Variants in ASF1B observed in about 807,000 individuals in gnomAD.
ASF1B encodes histone chaperone ASF1B.
ASF1B carries 10 observed loss-of-function variants against 16.6 expected under a neutral mutation model. That is an observed-to-expected ratio of 0.60 (90% CI 0.37 to 1.02). The LOEUF (loss-of-function observed/expected upper bound fraction) is 1.02, where lower values mean the gene tolerates loss of function less well. Among genes scored for constraint, ASF1B ranks in the 50% least tolerant of loss-of-function variants. The pLI is 0.01. For missense variants in ASF1B, 240 were observed against 266.0 expected (o/e 0.90, Z 0.68); for synonymous variants, 101 against 106.2 (o/e 0.95, Z 0.30).
rs1375655951 is a variant in ASF1B, at chr19:14,126,227, C to T, written c.120G>A (p.Trp40Ter). 2 of 1,612,096 alleles carry T rather than the reference C, an allele frequency of 1.2e-6. No homozygotes were observed. The highest frequency in any genetic ancestry group is 1.7e-5 in the Admixed American group (1 of 59,994). Residue 40 changes from tryptophan to a stop codon, truncating the protein, a stop_gained, in exon 2 of 4, where the codon TGG (tryptophan) becomes TGA (stop). Coordinates refer to ENST00000263382, the MANE Select transcript of ASF1B (RefSeq NM_018154.3). LOFTEE classifies it high-confidence loss of function. ...CAGCCGAGCCAACATAAATGATCTT[C>T]CACTCCAGGTCTGCAAAGATATAGG... ...CSEALADDLE[W>*]KIIYVGSAES...
At chr19:14,132,434 A>T (rs762145131) in intron 1 of ASF1B, among the ~76,000 whole-genome samples, 11 of 152,154 alleles carry the variant, frequency 7.2e-5, no homozygotes, top group Non-Finnish European at 1.2e-4. Flanking sequence ...AAGCTGGCAG[A>T]TCAGTCACAG....
chr19:14,121,207 A>G (rs2144507837), intron 3 of ASF1B: 1 of 427,172 alleles, frequency 2.3e-6, no homozygotes, highest in Admixed American at 4.0e-5. Context: ...TGCAGCCTCA[A>G]ACTCCTGGGC....
rs567148492 is a variant in ASF1B at position 14,129,747 on chromosome 19, A to G, written c.110-3510T>C. On this transcript the variant is annotated intron_variant, in intron 1 of 3. Coordinates refer to ENST00000263382, the MANE Select transcript of ASF1B (RefSeq NM_018154.3). ...GAAAGAAAGGAAGAAAAAAAGAGTT[A>G]TAGGTATAGGGCCAGGTGAGGTGGA... Among the ~76,000 whole-genome samples, 3 of 144,528 alleles carry G rather than the reference A, an allele frequency of 2.1e-5. No homozygotes were observed. The South Asian group carries it at 7.0e-4, about 34-fold the overall frequency. The allele number at this position is 144,528 out of a possible 152,430, so 94.8% of individuals were successfully genotyped here. A position where few individuals can be genotyped will look rare whatever the true frequency, so the allele number is the denominator to read the frequency against.
Position 14,126,196 on chromosome 19 carries a change from C to T in ASF1B, c.151G>A (p.Glu51Lys). Residue 51 changes from glutamate (E) to lysine (K), a missense_variant, in exon 2 of 4, where the codon GAG becomes AAG. By Grantham distance (56) the Glu-to-Lys change is moderately conservative (BLOSUM62 1). Coordinates refer to ENST00000263382, the MANE Select transcript of ASF1B (RefSeq NM_018154.3). ...KIIYVGSAES[E>K]EFDQILDSVL... ...GAGTCTAGGATCTGATCAAATTCCT[C>T]ACTCTCAGCCGAGCCAACATAAATG... 1 of 1,613,584 alleles carries T rather than the reference C, an allele frequency of 6.2e-7. No individual in the cohort carries two copies. The highest frequency in any genetic ancestry group is 8.5e-7 in the Non-Finnish European group (1 of 1,179,966).
intron 1 of ASF1B, among the ~76,000 whole-genome samples, chr19:14,132,095 A>G (rs935741759): frequency 6.9e-6 from 1 of 143,952 alleles, no homozygotes; most frequent in Non-Finnish European, 1.5e-5. Context: ...TGGTGCAATC[A>G]TGGCTCACTG....
intron 3 of ASF1B, chr19:14,121,275 ATTTTTTTTTT>A: frequency 6.7e-6 from 2 of 298,406 alleles, no homozygotes; most frequent in Admixed American, 1.3e-4. Context: ...TGTCTGGCTC[ATTTTTTTTTT>A]TTTTTTTTTT....
In ASF1B at chr19:14,136,409, G is replaced by T. The variant is rs371243119; in HGVS notation, c.48C>A (p.Ser16Arg). The T allele has an allele frequency of 6.2e-7, 1 of 1,613,842 alleles. No homozygotes were observed. Among genetic ancestry groups the T allele is most frequent in the Admixed American group, 1.7e-5 (1 of 60,018 alleles). The change falls in exon 1 of 4, where the codon AGC becomes AGA. Residue 16 changes from serine (S) to arginine (R), a missense_variant. Transcript: ENST00000263382. Reference sequence around the variant, plus strand: ...CGAACCGGAAGGGGCTGTGGAAAGGGCTCGGGTTCTCCAGGACCGCCACGT... The same window carrying T: ...CGAACCGGAAGGGGCTGTGGAAAGGTCTCGGGTTCTCCAGGACCGCCACGT... Reference protein sequence around the residue: ...VLNVAVLENPSPFHSPFRFEI... With the variant: ...VLNVAVLENPRPFHSPFRFEI...
At chr19:14,123,771 G>C (rs1452720106) in intron 2 of ASF1B, among the ~76,000 whole-genome samples, 1 of 150,870 alleles carries the variant, frequency 6.6e-6, no homozygotes, top group Non-Finnish European at 1.5e-5. Flanking sequence ...GGAACTCCTG[G>C]GCTCAAGCGA....
At chr19:14,121,256 C>T (rs1242588136) in intron 3 of ASF1B, 2 of 496,188 alleles carry the variant, frequency 4.0e-6, no homozygotes, top group Non-Finnish European at 7.0e-6. Flanking sequence ...GAGTAGAGCA[C>T]ACCACCCATG....
At chr19:14,129,705 A>G (rs1393959386) in intron 1 of ASF1B, among the ~76,000 whole-genome samples, 8 of 146,184 alleles carry the variant, frequency 5.5e-5, no homozygotes, top group African/African-American at 1.8e-4. Flanking sequence ...AAAAAAAAAA[A>G]AAAAAGAAGA....
At chr19:14,136,317 G>C in intron 1 of ASF1B, 31 bp downstream of exon 1, 3 of 1,593,810 alleles carry the variant, frequency 1.9e-6, no homozygotes, top group Non-Finnish European at 2.6e-6. Flanking sequence ...TCGGCCCGGG[G>C]GTGGGGGTCC....
chr19:14,121,389 T>C (rs957267672), intron 3 of ASF1B, 143 bp downstream of exon 3: 6 of 909,622 alleles, frequency 6.6e-6, no homozygotes, highest in Non-Finnish European at 9.7e-6. Flanking sequence ...GGTCTTTTTC[T>C]CCTCTTCTAA....
chr19:14,128,919 G>A (rs138384515), intron 1 of ASF1B, among the ~76,000 whole-genome samples: 3 of 152,288 alleles, frequency 2.0e-5, no homozygotes, highest in Non-Finnish European at 4.4e-5. Context: ...TCCTGTACGG[G>A]TGCATTTAAT....
intron 1 of ASF1B, among the ~76,000 whole-genome samples, chr19:14,134,166 G>C (rs1338593424): frequency 6.6e-6 from 1 of 152,066 alleles, no homozygotes; most frequent in Admixed American, 6.6e-5. Context: ...CCTGCCGTCG[G>C]GGAGCTGGGA....
At chr19:14,125,102 G>A (rs764369862) in intron 2 of ASF1B, among the ~76,000 whole-genome samples, 2 of 152,092 alleles carry the variant, frequency 1.3e-5, no homozygotes, top group Non-Finnish European at 1.5e-5. Context: ...GAGTAGCTGG[G>A]ATTACAGGCA....
intron 2 of ASF1B, among the ~76,000 whole-genome samples, chr19:14,122,923 G>A (rs947896469): frequency 2.6e-5 from 4 of 152,176 alleles, no homozygotes; most frequent in Non-Finnish European, 2.9e-5. Flanking sequence ...GTGTGGAGCC[G>A]TGACAGGAGA....
At chr19:14,135,161 T>C (rs993961297) in intron 1 of ASF1B, among the ~76,000 whole-genome samples, 1 of 143,128 alleles carries the variant, frequency 7.0e-6, no homozygotes. Flanking sequence ...GAGGTGGAGG[T>C]TGCAGTGAGC....
chr19:14,136,530 G>C lies in ASF1B; in HGVS notation c.-74C>G. ...GGAGGCCGCGCCTGGGTCCGGTGGG[G>C]TCAGTGGGGTAGGGCTGACCAGGTC... On this transcript the variant is annotated 5_prime_UTR_variant, in exon 1 of 4. Coordinates refer to ENST00000263382, the MANE Select transcript of ASF1B (RefSeq NM_018154.3). The C allele has an allele frequency of 7.3e-7, 1 of 1,361,314 alleles. No homozygotes were observed. Among genetic ancestry groups the C allele is most frequent in the Non-Finnish European group, 1.0e-6 (1 of 974,942 alleles). 84.3% of individuals were successfully genotyped at this position (1,361,314 alleles called of 1,614,324 possible).
Position 14,136,431 on chromosome 19 carries a change from A to T in ASF1B, c.26T>A (p.Val9Glu). The change falls in exon 1 of 4, where the codon GTG becomes GAG. Residue 9 changes from valine to glutamate, a missense_variant. By Grantham distance (121) the Val-to-Glu change is moderately radical. Coordinates refer to ENST00000263382, the MANE Select transcript of ASF1B (RefSeq NM_018154.3). ...AGGGCTCGGGTTCTCCAGGACCGCC[A>T]CGTTCAGCACCGACACCTTGGCCAT... is the stretch of plus-strand genomic sequence containing the variant. MAKVSVLN[V>E]AVLENPSPFH... 6.2e-7 allele frequency: 1 copy of T among 1,613,412 alleles called. No homozygotes were observed. Among genetic ancestry groups the T allele is most frequent in the Non-Finnish European group, 8.5e-7 (1 of 1,179,562 alleles).
Sources: allele counts gnomAD v4.1 joint callset (sites outside exome capture counted in the v4.1 genomes callset), GRCh38; gene constraint gnomAD v4.1.1; transcripts MANE v1.5; gene names NCBI Gene and HGNC (gene_info 2026-07-23, HGNC 2026-07-21).